Variants in ERC1 observed in about 807,000 individuals in gnomAD.
ERC1 encodes the protein RAB6 interacting protein 2.
A neutral mutation model predicts 132.0 loss-of-function variants in ERC1; 56 were observed. That is an observed-to-expected ratio of 0.42 (90% CI 0.34 to 0.53). The LOEUF is 0.53. Among genes scored for constraint, ERC1 ranks in the 20% least tolerant of loss-of-function variants. The pLI is 0.03. For missense variants in ERC1, 1,202 were observed against 1,349.9 expected (o/e 0.89, Z 1.72); for synonymous variants, 478 against 476.1 (o/e 1.00, Z -0.05).
chr12:1,454,470 G>A (rs1338906964), intron 18 of ERC1, among the ~76,000 whole-genome samples: 1 of 152,174 alleles, frequency 6.6e-6, no homozygotes, highest in Non-Finnish European at 1.5e-5. Context: ...ATCTGAAGCT[G>A]GAGGGTGGAT....
intron 16 of ERC1, among the ~76,000 whole-genome samples, chr12:1,404,161 G>T (rs1045307132): frequency 1.7e-4 from 26 of 152,216 alleles, no homozygotes; most frequent in African/African-American, 6.0e-4. Flanking sequence ...CAAGGCAGCA[G>T]CAGATTCGGT....
intron 2 of ERC1, among the ~76,000 whole-genome samples, chr12:1,047,171 A>G (rs1349433617): frequency 6.6e-6 from 1 of 152,140 alleles, no homozygotes; most frequent in Non-Finnish European, 1.5e-5. Context: ...TATTGAGTTC[A>G]TTTTTGGTAT....
intron 18 of ERC1, among the ~76,000 whole-genome samples, chr12:1,459,243 T>C (rs1053195361): frequency 1.3e-5 from 2 of 152,228 alleles, no homozygotes; most frequent in African/African-American, 4.8e-5. Context: ...ATGGTTTCTA[T>C]GAAATGAACT....
chr12:1,111,484 G>T (rs762145076), intron 5 of ERC1, among the ~76,000 whole-genome samples: 27 of 152,038 alleles, frequency 1.8e-4, no homozygotes, highest in Non-Finnish European at 2.6e-4. Flanking sequence ...CTGGCTTCTT[G>T]CCATGGTGCC....
intron 11 of ERC1, among the ~76,000 whole-genome samples, chr12:1,185,667 C>T (rs1271308552): frequency 6.6e-6 from 1 of 150,982 alleles, no homozygotes; most frequent in South Asian, 2.1e-4. Flanking sequence ...TTTTATCACC[C>T]TATAGATAAA....
At chr12:1,415,710 A>G (rs977436415) in intron 17 of ERC1, among the ~76,000 whole-genome samples, 6 of 152,190 alleles carry the variant, frequency 3.9e-5, no homozygotes, top group Non-Finnish European at 8.8e-5. Flanking sequence ...TCCAAAAACC[A>G]ATTTGGGCCA....
intron 18 of ERC1, among the ~76,000 whole-genome samples, chr12:1,467,000 A>G (rs2093756165): frequency 6.6e-6 from 1 of 152,252 alleles, no homozygotes; most frequent in South Asian, 2.1e-4. Flanking sequence ...TTTTAACACT[A>G]AAGATAACAG....
intron 8 of ERC1, among the ~76,000 whole-genome samples, chr12:1,170,091 CTG>C (rs1566136137): frequency 1.3e-5 from 2 of 152,120 alleles, no homozygotes; most frequent in African/African-American, 2.4e-5. Context: ...AGAAAAAAAT[CTG>C]TGTAAAAATA....
intron 12 of ERC1, among the ~76,000 whole-genome samples, chr12:1,200,687 T>C (rs551724101): frequency 1.3e-5 from 2 of 152,014 alleles, no homozygotes; most frequent in Non-Finnish European, 2.9e-5. Context: ...CCCTCCTGAG[T>C]AGCTGGGACT....
At chr12:1,259,218 T>C (rs976760594) in intron 13 of ERC1, among the ~76,000 whole-genome samples, 2 of 152,172 alleles carry the variant, frequency 1.3e-5, no homozygotes, top group African/African-American at 4.8e-5. Flanking sequence ...TTCATCTCTT[T>C]TGGTTGTTTC....
At position 1,093,957 on chromosome 12, in the gene ERC1, CTATATATA is replaced by C. The variant is rs202076174; in HGVS notation, c.1086+10398_1086+10405del. Among the ~76,000 whole-genome samples the C allele has an allele frequency of 8.0e-4, 55 of 68,886 alleles. 3 individuals are homozygous for C. The highest frequency in any genetic ancestry group is 9.9e-4 in the Admixed American group (5 of 5,052). The allele number at this position is 68,886 out of a possible 152,430, so 45.2% of individuals were successfully genotyped here. ...TTTCTATATAAATATATATATTTTT[CTATATATA>C]TATATATATATATATATATAGAAAA... is the stretch of plus-strand genomic sequence containing the variant. On this transcript the variant is annotated intron_variant, in intron 3 of 18. Coordinates refer to ENST00000360905, the MANE Select transcript of ERC1 (RefSeq NM_178040.4).
At chr12:1,077,932 G>C (rs1941599738) in intron 2 of ERC1, among the ~76,000 whole-genome samples, 2 of 152,134 alleles carry the variant, frequency 1.3e-5, no homozygotes, top group South Asian at 4.1e-4. Flanking sequence ...TATTTTAGTG[G>C]AGAAAACTGC....
At chr12:1,385,428 G>A (rs900526648) in intron 16 of ERC1, among the ~76,000 whole-genome samples, 19 of 152,122 alleles carry the variant, frequency 1.2e-4, no homozygotes, top group African/African-American at 3.4e-4. Flanking sequence ...GACTACAGGC[G>A]CCCGCCACCA....
Position 1,289,915 on chromosome 12 carries a change from C to T in ERC1, c.2683C>T (p.Leu895=), listed in dbSNP as rs144652280. Residue 895 remains leucine, a synonymous_variant, in exon 15 of 19, where the codon CTG becomes TTG. Coordinates refer to ENST00000360905, the MANE Select transcript of ERC1 (RefSeq NM_178040.4). ...KQELESMKAK[L]SSTQQSLAEK... is the part of the protein sequence containing the mutation. ...GGAACTAGAATCCATGAAAGCAAAG[C>T]TGTCCTCCACCCAGCAGTCTCTGGC... The T allele has an allele frequency of 6.2e-7, 1 of 1,613,768 alleles. No individual in the cohort carries two copies. Among genetic ancestry groups the T allele is most frequent in the African/African-American group, 1.3e-5 (1 of 74,918 alleles).
chr12:1,141,007 T>A (rs1379811108), intron 7 of ERC1, among the ~76,000 whole-genome samples: 1 of 152,182 alleles, frequency 6.6e-6, no homozygotes, highest in African/African-American at 2.4e-5. Flanking sequence ...TAAAATTTTC[T>A]CTGAATGGAT....
intron 15 of ERC1, among the ~76,000 whole-genome samples, chr12:1,350,195 A>G (rs912744174): frequency 2.0e-5 from 3 of 152,228 alleles, no homozygotes; most frequent in Admixed American, 2.0e-4. Flanking sequence ...TGTTCTCACC[A>G]CAGTAATTGA....
intron 2 of ERC1, among the ~76,000 whole-genome samples, chr12:1,031,245 C>G (rs1967977726): frequency 6.6e-6 from 1 of 152,208 alleles, no homozygotes; most frequent in African/African-American, 2.4e-5. Context: ...CTCCCATCTA[C>G]TGACAACTTT....
At chr12:1,104,235 G>T (rs574923399) in intron 3 of ERC1, among the ~76,000 whole-genome samples, 6 of 152,174 alleles carry the variant, frequency 3.9e-5, no homozygotes, top group Admixed American at 3.9e-4. Context: ...CACCACTAGA[G>T]AGCGAGCTTC....
chr12:1,361,951 T>G (rs1192120461), intron 15 of ERC1, among the ~76,000 whole-genome samples: 1 of 152,210 alleles, frequency 6.6e-6, no homozygotes, highest in African/African-American at 2.4e-5. Flanking sequence ...TTCCAATGCT[T>G]CTTAAAGTCA....
Sources: gnomAD v4.1 joint callset for allele counts (sites outside exome capture counted in the v4.1 genomes callset) on GRCh38, gnomAD v4.1.1 for gene constraint, MANE v1.5 for transcripts, NCBI Gene and HGNC (gene_info 2026-07-23, HGNC 2026-07-21) for gene names.